Variants in DDI2 observed in about 807,000 individuals in gnomAD.
The protein encoded by DDI2 is DDI proteasomal shuttling factor 2.
In DDI2, 5 loss-of-function variants were observed where a neutral mutation model predicts 48.1. The observed-to-expected ratio is 0.10, with a 90% CI of 0.05 to 0.22. The LOEUF (loss-of-function observed/expected upper bound fraction) is 0.22, where lower values mean the gene tolerates loss of function less well. Ranked by LOEUF, DDI2 falls within the 10% of genes least tolerant of loss-of-function variation. The pLI is 1.00. For missense variants in DDI2, 285 were observed against 506.2 expected (o/e 0.56, Z 4.19); for synonymous variants, 205 against 183.6 (o/e 1.12, Z -0.94).
intron 6 of DDI2, among the ~76,000 whole-genome samples, chr1:15,645,161 G>T (rs1486939261): frequency 6.6e-6 from 1 of 152,226 alleles, no homozygotes; most frequent in Non-Finnish European, 1.5e-5. Context: ...CCAGAGTGCT[G>T]GGATTATGGC....
At chr1:15,641,484 A>G (rs1185473316) in intron 5 of DDI2, among the ~76,000 whole-genome samples, 1 of 152,104 alleles carries the variant, frequency 6.6e-6, no homozygotes, top group Non-Finnish European at 1.5e-5. Context: ...AAAAAAAAAA[A>G]AGTGACATTT....
intron 4 of DDI2, 31 bp from the exon 5 acceptor site, chr1:15,638,276 T>G: frequency 1.2e-6 from 2 of 1,612,498 alleles, no homozygotes; most frequent in Non-Finnish European, 1.7e-6. Context: ...GAATTAATGC[T>G]TTCAGTGTCC....
At chr1:15,645,382 C>T (rs1437280376) in intron 6 of DDI2, among the ~76,000 whole-genome samples, 1 of 152,224 alleles carries the variant, frequency 6.6e-6, no homozygotes, top group Non-Finnish European at 1.5e-5. Context: ...ATTTTCTCCC[C>T]TCTGGAATGT....
intron 7 of DDI2, among the ~76,000 whole-genome samples, chr1:15,651,289 C>T (rs528689147): frequency 1.3e-5 from 2 of 152,190 alleles, no homozygotes; most frequent in African/African-American, 4.8e-5. Context: ...TATATGTGCA[C>T]AACTGTCTAT....
At position 15,660,670 on chromosome 1, in the gene DDI2, C is replaced by G; in HGVS notation, c.*880C>G. 1 of 1,614,168 alleles carries G rather than the reference C, an allele frequency of 6.2e-7. No individual in the cohort carries two copies. The highest frequency in any genetic ancestry group is 1.6e-4 in the Middle Eastern group (1 of 6,062). ...TACTTTGCTTAATTCAACAGGCAGG[C>G]AGAATGCCAATGTCAAGAACATTGG... On this transcript the variant is annotated 3_prime_UTR_variant, in exon 10 of 10. Transcript: ENST00000480945.
At position 15,665,445 on chromosome 1, in the gene DDI2, T is replaced by A. The variant is rs559654913; in HGVS notation, c.*5655T>A. 1 of 152,258 alleles carries A rather than the reference T, an allele frequency of 6.6e-6. No homozygotes were observed. The highest frequency in any genetic ancestry group is 2.4e-5 in the African/African-American group (1 of 41,548). 9.4% of individuals were successfully genotyped at this position (152,258 alleles called of 1,614,324 possible). A position where few individuals can be genotyped will look rare whatever the true frequency, so the allele number is the denominator to read the frequency against. ...CCAAAGCATGTCTCTAGCAAGAGGGTACATAGAAATGGAACATGAGGCTTT... is the reference window on the plus strand; with the variant it reads ...CCAAAGCATGTCTCTAGCAAGAGGGAACATAGAAATGGAACATGAGGCTTT... On this transcript the variant is annotated 3_prime_UTR_variant, in exon 10 of 10. Transcript: ENST00000480945.
At chr1:15,646,123 T>A (rs1300908539) in intron 6 of DDI2, among the ~76,000 whole-genome samples, 1 of 152,232 alleles carries the variant, frequency 6.6e-6, no homozygotes, top group Non-Finnish European at 1.5e-5. Flanking sequence ...AAGCCTCTAG[T>A]CTGCTACTGG....
chr1:15,652,753 G>A (rs968372616), intron 8 of DDI2, among the ~76,000 whole-genome samples: 1 of 152,036 alleles, frequency 6.6e-6, no homozygotes, highest in Non-Finnish European at 1.5e-5. Flanking sequence ...AACCCAGGGG[G>A]CGGAGCTTGC....
chr1:15,653,982 T>C (rs762847383), intron 8 of DDI2, among the ~76,000 whole-genome samples: 7 of 152,202 alleles, frequency 4.6e-5, no homozygotes, highest in Admixed American at 2.6e-4. Context: ...GGTAACAGTT[T>C]TGCTGAAATC....
At position 15,643,664 on chromosome 1, in the gene DDI2, A is replaced by G; in HGVS notation, c.889+14A>G. 2 of 1,613,392 alleles carry G rather than the reference A, an allele frequency of 1.2e-6. No homozygotes were observed. Among genetic ancestry groups the G allele is most frequent in the East Asian group, 2.2e-5 (1 of 44,862 alleles). ...GGGTACATCTAGGTGAGCAAAAGGC[A>G]CTGGGGCTTGCTGTCTTTCTGTAGG... On this transcript the variant is annotated intron_variant, in intron 6 of 9. Coordinates refer to ENST00000480945, the MANE Select transcript of DDI2 (RefSeq NM_032341.5).
chr1:15,648,456 A>G (rs888827571), intron 6 of DDI2, among the ~76,000 whole-genome samples: 1 of 152,246 alleles, frequency 6.6e-6, no homozygotes, highest in Non-Finnish European at 1.5e-5. Context: ...GATGCCATCA[A>G]AATCCTGGTA....
chr1:15,630,594 G>C, intron 3 of DDI2, 33 bp downstream of exon 3: 3 of 1,461,664 alleles, frequency 2.1e-6, no homozygotes, highest in Non-Finnish European at 2.9e-6. Flanking sequence ...CTATTAGGCT[G>C]GCCTGAGGTG....
rs1639585964 is a variant in DDI2 at position 15,617,716 on chromosome 1, A to G, written c.46A>G (p.Thr16Ala). The part of the protein sequence containing the change: ...YCVRRDLSEV[T>A]FSLQVDADFE... The stretch of plus-strand genomic sequence containing the variant: ...TGTGCGGAGGGACCTCTCCGAGGTG[A>G]CCTTTTCCCTCCAGGTCGACGCCGA... The change falls in exon 1 of 10, where the codon ACC becomes GCC. Residue 16 changes from threonine (T) to alanine (A), a missense_variant. Physicochemically the swap from Thr to Ala is moderately conservative, Grantham distance 58. Coordinates refer to ENST00000480945, the MANE Select transcript of DDI2 (RefSeq NM_032341.5). 1.2e-6 allele frequency: 2 copies of G among 1,610,620 alleles called. No individual in the cohort carries two copies. The highest frequency in any genetic ancestry group is 2.2e-5 in the East Asian group (1 of 44,698).
At chr1:15,659,800 T>C (rs1428740726) in intron 9 of DDI2, 37 bp from the exon 10 acceptor site, 12 of 1,482,212 alleles carry the variant, frequency 8.1e-6, no homozygotes, top group Non-Finnish European at 9.8e-6. Context: ...AGTCACCTGC[T>C]AATTAATCTT....
chr1:15,643,026 C>T (rs547838929), intron 5 of DDI2, among the ~76,000 whole-genome samples: 143 of 152,172 alleles, frequency 9.4e-4, no homozygotes, highest in Non-Finnish European at 1.4e-3. Context: ...GAGACTGCGC[C>T]ACTGCACTTC....
At chr1:15,627,025 G>A (rs960171412) in intron 2 of DDI2, 12 of 550,040 alleles carry the variant, frequency 2.2e-5, no homozygotes, top group African/African-American at 1.1e-4. Context: ...AAGCTGACGT[G>A]AGGCTAATGC....
At chr1:15,632,637 C>T (rs76576137) in intron 3 of DDI2, among the ~76,000 whole-genome samples, 5,104 of 152,230 alleles carry the variant, frequency 0.034, 286 homozygotes, top group African/African-American at 0.12. Flanking sequence ...TCAGAACACA[C>T]ACAAAATATA....
In DDI2 at chr1:15,660,393, G is replaced by C. The variant is rs1462641230; in HGVS notation, c.*603G>C. Reference sequence around the variant, plus strand: ...AGCACGAAGAACCAGGGAATGAACAGTATGAGGTTGCACAACAAAAAGCTT... The same window carrying C: ...AGCACGAAGAACCAGGGAATGAACACTATGAGGTTGCACAACAAAAAGCTT... On this transcript the variant is annotated 3_prime_UTR_variant, in exon 10 of 10. Coordinates refer to ENST00000480945, the MANE Select transcript of DDI2 (RefSeq NM_032341.5). 1.9e-6 allele frequency: 3 copies of C among 1,614,024 alleles called. No homozygotes were observed. The highest frequency in any genetic ancestry group is 2.5e-6 in the Non-Finnish European group (3 of 1,179,996).
chr1:15,659,798 G>T, intron 9 of DDI2, 39 bp from the exon 10 acceptor site: 1 of 1,480,584 alleles, frequency 6.8e-7, no homozygotes, highest in Non-Finnish European at 8.9e-7. Context: ...TTAGTCACCT[G>T]CTAATTAATC....
Sources: allele counts gnomAD v4.1 joint callset (sites outside exome capture counted in the v4.1 genomes callset), GRCh38; gene constraint gnomAD v4.1.1; transcripts MANE v1.5; gene names NCBI Gene and HGNC (gene_info 2026-07-23, HGNC 2026-07-21).